The following STAP1 variants were observed in gnomAD, a reference collection of about 807,000 sequenced individuals.
STAP1 encodes signal transducing adaptor family member 1.
Under a neutral mutation model 37.8 loss-of-function variants are expected in STAP1, and 30 were observed. The ratio of observed to expected loss-of-function variants is 0.79; its 90% CI spans 0.59 to 1.08. The LOEUF is 1.08. STAP1 is among the 50% of genes least tolerant of loss of function. The pLI, the probability that STAP1 is intolerant of heterozygous loss-of-function variation, is 0.00. For missense variants in STAP1, 357 were observed against 349.4 expected (o/e 1.02, Z -0.17); for synonymous variants, 130 against 116.0 (o/e 1.12, Z -0.78).
At chr4:67,602,611 A>T (rs1728367908) in intron 8 of STAP1, among the ~76,000 whole-genome samples, 1 of 152,204 alleles carries the variant, frequency 6.6e-6, no homozygotes, top group South Asian at 2.1e-4. Flanking sequence ...CTTGTAGAGT[A>T]CTGCCTTGAT....
At chr4:67,592,562 C>A (rs569340296) in intron 7 of STAP1, among the ~76,000 whole-genome samples, 2 of 152,264 alleles carry the variant, frequency 1.3e-5, no homozygotes, top group African/African-American at 4.8e-5. Flanking sequence ...CCTTCAGGGA[C>A]TAGGACGCAG....
chr4:67,564,197 C>T (rs540291569), intron 1 of STAP1, among the ~76,000 whole-genome samples: 18 of 152,110 alleles, frequency 1.2e-4, no homozygotes, highest in African/African-American at 4.3e-4. Flanking sequence ...GGTTGCAGTT[C>T]ACATGGTCTA....
chr4:67,575,591 A>G, intron 3 of STAP1, 93 bp downstream of exon 3: 1 of 907,586 alleles, frequency 1.1e-6, no homozygotes. Context: ...ATTGTAAGAC[A>G]GGCTAAGTCT....
At chr4:67,566,098 G>A (rs910961084) in intron 1 of STAP1, among the ~76,000 whole-genome samples, 14 of 151,562 alleles carry the variant, frequency 9.2e-5, no homozygotes, top group Non-Finnish European at 1.5e-4. Flanking sequence ...ACAGGCGCCC[G>A]CCACTACTCC....
chr4:67,577,856 C>T (rs1727761190), intron 4 of STAP1, among the ~76,000 whole-genome samples: 1 of 151,986 alleles, frequency 6.6e-6, no homozygotes, highest in Admixed American at 6.6e-5. Context: ...ATCATGTTGG[C>T]CAGGCTGGTT....
intron 6 of STAP1, among the ~76,000 whole-genome samples, chr4:67,587,475 C>G (rs1339034374): frequency 6.6e-6 from 1 of 152,136 alleles, no homozygotes; most frequent in African/African-American, 2.4e-5. Context: ...TTTACCTAGC[C>G]CAATGGTGCG....
intron 8 of STAP1, among the ~76,000 whole-genome samples, chr4:67,603,090 C>T (rs1728379417): frequency 6.6e-6 from 1 of 152,116 alleles, no homozygotes; most frequent in Non-Finnish European, 1.5e-5. Context: ...TGAGCTGGCA[C>T]CCAAGGTGTA....
At position 67,585,183 on chromosome 4, in the gene STAP1, T is replaced by G. The variant is rs1249016381; in HGVS notation, c.659+1481T>G. ...AATGACTTTCTTTAATATATATGCATAAACAGAACTTTGACATTTGAATTT... is the reference window on the plus strand; with the variant it reads ...AATGACTTTCTTTAATATATATGCAGAAACAGAACTTTGACATTTGAATTT... On this transcript the variant is annotated intron_variant, in intron 6 of 8. Transcript: ENST00000265404. Among the ~76,000 whole-genome samples the G allele has an allele frequency of 2.6e-5, 4 of 152,352 alleles. No individual in the cohort carries two copies. The East Asian group carries it at 7.7e-4, about 29-fold the overall frequency.
intron 6 of STAP1, among the ~76,000 whole-genome samples, chr4:67,586,587 G>A (rs2129609): frequency 0.46 from 69,502 of 152,000 alleles, 17,231 homozygotes; most frequent in Non-Finnish European, 0.58. Flanking sequence ...AGAAATAACT[G>A]TTTTCTGTTG....
At chr4:67,583,873 C>T (rs192713707) in intron 6 of STAP1, among the ~76,000 whole-genome samples, 171 bp downstream of exon 6, 135 of 151,982 alleles carry the variant, frequency 8.9e-4, no homozygotes, top group African/African-American at 2.9e-3. Flanking sequence ...CTGAGGCAGA[C>T]GGATCACAAG....
chr4:67,600,749 TC>T (rs1280221566), intron 8 of STAP1, among the ~76,000 whole-genome samples: 1 of 152,190 alleles, frequency 6.6e-6, no homozygotes, highest in Non-Finnish European at 1.5e-5. Flanking sequence ...TAATGACCTT[TC>T]TTTTTATAAT....
intron 6 of STAP1, among the ~76,000 whole-genome samples, chr4:67,587,734 TTTTGAGATGGAG>T (rs1728016716): frequency 1.7e-5 from 2 of 120,710 alleles, no homozygotes; most frequent in African/African-American, 5.6e-5. Flanking sequence ...TTTTTTTTTT[TTTTGAGATGGAG>T]TTTTGCTCTT....
chr4:67,605,650 GA>G (rs1195256523), intron 8 of STAP1, among the ~76,000 whole-genome samples: 1 of 152,140 alleles, frequency 6.6e-6, no homozygotes, highest in African/African-American at 2.4e-5. Context: ...AAAAATGATG[GA>G]AAAGTACATG....
chr4:67,581,211 T>C (rs1016641990), intron 4 of STAP1, 94 bp from the exon 5 acceptor site: 18 of 1,204,518 alleles, frequency 1.5e-5, no homozygotes, highest in African/African-American at 3.1e-5. Flanking sequence ...GTCAGGTAAC[T>C]GTAGCCCTAT....
chr4:67,586,607 T>G (rs1453008456), intron 6 of STAP1, among the ~76,000 whole-genome samples: 2 of 152,216 alleles, frequency 1.3e-5, no homozygotes, highest in African/African-American at 4.8e-5. Context: ...GCAGATGTGG[T>G]GTGTGACTAA....
At chr4:67,589,122 A>G (rs1052502186) in intron 6 of STAP1, among the ~76,000 whole-genome samples, 1 of 152,226 alleles carries the variant, frequency 6.6e-6, no homozygotes. Context: ...TTTAATAGGA[A>G]TACAGGAATT....
intron 4 of STAP1, among the ~76,000 whole-genome samples, chr4:67,578,653 T>C (rs1292765782): frequency 6.6e-6 from 1 of 151,944 alleles, no homozygotes; most frequent in Non-Finnish European, 1.5e-5. Context: ...TATCAAGGAG[T>C]ACACTAAAAA....
Position 67,581,339 on chromosome 4 carries a change from G to T in STAP1, c.398G>T (p.Gly133Val). The T allele has an allele frequency of 6.2e-7, 1 of 1,613,434 alleles. No individual in the cohort carries two copies. The highest frequency in any genetic ancestry group is 8.5e-7 in the Non-Finnish European group (1 of 1,179,700). The change falls in exon 5 of 9, where the codon GGG becomes GTG. Residue 133 changes from glycine to valine, a missense_variant. By Grantham distance (109) the Gly-to-Val change is moderately radical. Coordinates refer to ENST00000265404, the MANE Select transcript of STAP1 (RefSeq NM_012108.4). ...SVPQNVSLLP[G>V]QVIKLHEVLE... Reference sequence around the variant, plus strand: ...CCCCAAAACGTGTCACTCCTACCTGGGCAAGTAATTAAACTGCATGAAGTC... The same window carrying T: ...CCCCAAAACGTGTCACTCCTACCTGTGCAAGTAATTAAACTGCATGAAGTC...
rs1026982023 is a variant in STAP1 at position 67,606,444 on chromosome 4, C to G, written c.*87C>G. On this transcript the variant is annotated 3_prime_UTR_variant, in exon 9 of 9. Coordinates refer to ENST00000265404, the MANE Select transcript of STAP1 (RefSeq NM_012108.4). ...ACTTTTAAAGAGAATTACCTATATT[C>G]TCCTGATACTGATTACCAAGTCATT... The G allele has an allele frequency of 6.4e-6, 7 of 1,090,830 alleles. No individual in the cohort carries two copies. The Admixed American group carries it at 1.9e-4, about 29-fold the overall frequency. 67.6% of individuals were successfully genotyped at this position (1,090,830 alleles called of 1,614,324 possible).
Sources: gnomAD v4.1 joint callset for allele counts (sites outside exome capture counted in the v4.1 genomes callset) on GRCh38, gnomAD v4.1.1 for gene constraint, MANE v1.5 for transcripts, NCBI Gene and HGNC (gene_info 2026-07-23, HGNC 2026-07-21) for gene names.